CHAF1A: variants seen among roughly 807,000 people sequenced by gnomAD.
The protein encoded by CHAF1A is chromatin assembly factor 1 subunit A.
In CHAF1A, 5 loss-of-function variants were observed where a neutral mutation model predicts 93.2. The ratio of observed to expected loss-of-function variants is 0.05; its 90% CI spans 0.03 to 0.11. CHAF1A has a LOEUF of 0.11. Among genes scored for constraint, CHAF1A ranks in the 10% least tolerant of loss-of-function variants. The pLI, the probability that CHAF1A is intolerant of heterozygous loss-of-function variation, is 1.00. For missense variants in CHAF1A, 1,102 were observed against 1,259.9 expected (o/e 0.87, Z 1.90); for synonymous variants, 504 against 510.3 (o/e 0.99, Z 0.17).
rs143106881 is a variant in CHAF1A at position 4,418,034 on chromosome 19, C to T, written c.975C>T (p.Phe325=). The change falls in exon 4 of 15, where the codon TTC becomes TTT. Residue 325 remains phenylalanine, a synonymous_variant. Transcript: ENST00000301280. The part of the protein sequence containing the change: ...STPLRRITKK[F]VKGSTEKNKL... ...TCTGTTTTCAGATAACTAAGAAATT[C>T]GTCAAAGGCTCTACAGAGAAGAACA... is the stretch of plus-strand genomic sequence containing the variant. 38 of 1,602,588 alleles carry T rather than the reference C, an allele frequency of 2.4e-5. No homozygotes were observed. The African/African-American group carries it at 3.5e-4, about 15-fold the overall frequency.
chr19:4,409,859 C>G (rs568391367), intron 3 of CHAF1A, 100 bp downstream of exon 3: 2 of 1,367,248 alleles, frequency 1.5e-6, no homozygotes, highest in Non-Finnish European at 2.0e-6. Flanking sequence ...GCAGAGTGAG[C>G]GGGGCCACGG....
In CHAF1A at chr19:4,415,637, C is replaced by T. The variant is rs548458800; in HGVS notation, c.961-2383C>T. Among the ~76,000 whole-genome samples, 10 of 152,024 alleles carry T rather than the reference C, an allele frequency of 6.6e-5. No homozygotes were observed. In the South Asian group the frequency reaches 2.1e-3, roughly 32 times the overall value. On this transcript the variant is annotated intron_variant, in intron 3 of 14. Coordinates refer to ENST00000301280, the MANE Select transcript of CHAF1A (RefSeq NM_005483.3). Reference sequence around the variant, plus strand: ...TCTGCAGCATTTGGTGAGGCTGCCTCGGGCTGGCATTTCTGTTGCCACATT... The same window carrying T: ...TCTGCAGCATTTGGTGAGGCTGCCTTGGGCTGGCATTTCTGTTGCCACATT...
intron 3 of CHAF1A, among the ~76,000 whole-genome samples, chr19:4,410,399 T>C (rs1361603723): frequency 6.6e-6 from 1 of 151,336 alleles, no homozygotes; most frequent in Non-Finnish European, 1.5e-5. Flanking sequence ...TTTTTTTTTT[T>C]TTTGACAGAG....
At chr19:4,440,340 C>T (rs573356145) in intron 13 of CHAF1A, among the ~76,000 whole-genome samples, 6 of 151,828 alleles carry the variant, frequency 4.0e-5, no homozygotes, top group Admixed American at 1.3e-4. Context: ...GGTGCGGTGG[C>T]TCACACCTTG....
chr19:4,406,937 G>A (rs139740609), intron 2 of CHAF1A, among the ~76,000 whole-genome samples: 1 of 151,912 alleles, frequency 6.6e-6, no homozygotes, highest in East Asian at 1.9e-4. Context: ...GAAAAAAAGG[G>A]GGACGCCAGA....
chr19:4,448,108 C>A, downstream of CHAF1A: 2 of 596,854 alleles, frequency 3.4e-6, no homozygotes, highest in Admixed American at 5.9e-5. Flanking sequence ...TCCTTCAACA[C>A]CTTCATTTTG....
Position 4,409,468 on chromosome 19 carries a change from C to A in CHAF1A, c.669C>A (p.Asp223Glu), listed in dbSNP as rs1450272477. Reference sequence around the variant, plus strand: ...GAATGTGCCCCAGAAAGGAGCAGGACAGTTGGAGTGAAGCTGGGGGCATCC... The same window carrying A: ...GAATGTGCCCCAGAAAGGAGCAGGAAAGTTGGAGTGAAGCTGGGGGCATCC... ...GPRMCPRKEQ[D>E]SWSEAGGILF... The change falls in exon 3 of 15, where the codon GAC becomes GAA. Residue 223 changes from aspartate to glutamate, a missense_variant. Asp to Glu is a conservative substitution (Grantham distance 45). Around this residue, in one of 6 missense-constraint regions of CHAF1A, gnomAD observed 379 missense variants for 365.7 expected, o/e 1.04. Coordinates refer to ENST00000301280, the MANE Select transcript of CHAF1A (RefSeq NM_005483.3). The A allele has an allele frequency of 3.7e-6, 6 of 1,613,960 alleles. No individual in the cohort carries two copies. In the African/African-American group the frequency reaches 6.7e-5, roughly 18 times the overall value.
downstream of CHAF1A, chr19:4,446,236 C>T: frequency 2.5e-6 from 4 of 1,576,026 alleles, no homozygotes; most frequent in Non-Finnish European, 2.6e-6. Context: ...GGGCCCAGGG[C>T]CCCCTACCAA....
At chr19:4,432,759 A>G (rs1016573421) in intron 12 of CHAF1A, among the ~76,000 whole-genome samples, 31 of 35,400 alleles carry the variant, frequency 8.8e-4, no homozygotes, top group Admixed American at 1.3e-3. Context: ...GACCCTGTCT[A>G]AAAAAAAAAA....
chr19:4,432,174 A>G lies in CHAF1A; in HGVS notation c.2170A>G (p.Lys724Glu). The change falls in exon 12 of 15, where the codon AAG becomes GAG. Residue 724 changes from lysine (K) to glutamate (E), a missense_variant. Physicochemically the swap from Lys to Glu is moderately conservative, Grantham distance 56. Around this residue, in one of 6 missense-constraint regions of CHAF1A, gnomAD observed 335 missense variants for 361.9 expected, o/e 0.93. Coordinates refer to ENST00000301280, the MANE Select transcript of CHAF1A (RefSeq NM_005483.3). The stretch of plus-strand genomic sequence containing the variant: ...GCCGGCCCAGGAGGAGCAGACGCCC[A>G]AGGCCTCCAAGCGGGAGAGGAGAGA... The part of the protein sequence containing the change: ...TLPAQEEQTP[K>E]ASKRERRDEQ... 1.2e-6 allele frequency: 2 copies of G among 1,611,268 alleles called. No homozygotes were observed. Among genetic ancestry groups the G allele is most frequent in the South Asian group, 1.1e-5 (1 of 90,986 alleles).
downstream of CHAF1A, chr19:4,448,698 G>A (rs1385654345): frequency 2.1e-5 from 10 of 469,748 alleles, no homozygotes; most frequent in Admixed American, 3.4e-4. Context: ...TGACGCGACA[G>A]AACTGTGCCT....
chr19:4,419,361 C>G (rs1162498652), intron 4 of CHAF1A, among the ~76,000 whole-genome samples: 1 of 152,110 alleles, frequency 6.6e-6, no homozygotes. Context: ...CTGATGTTCA[C>G]TGGGCGTTTC....
intron 11 of CHAF1A, among the ~76,000 whole-genome samples, chr19:4,431,746 A>G (rs913541424): frequency 6.6e-6 from 1 of 152,168 alleles, no homozygotes; most frequent in Non-Finnish European, 1.5e-5. Flanking sequence ...TGACGCTCCC[A>G]AAGGAGACCA....
intron 13 of CHAF1A, among the ~76,000 whole-genome samples, chr19:4,441,740 C>T (rs1427542424): frequency 6.6e-6 from 1 of 151,538 alleles, no homozygotes; most frequent in Non-Finnish European, 1.5e-5. Context: ...CCCGTCTCTA[C>T]TAAAAATACA....
rs1342661710 is a variant in CHAF1A at position 4,432,100 on chromosome 19, A to G, written c.2096A>G (p.Asp699Gly). The G allele has an allele frequency of 3.1e-6, 5 of 1,613,882 alleles. No individual in the cohort carries two copies. The highest frequency in any genetic ancestry group is 4.2e-6 in the Non-Finnish European group (5 of 1,180,020). ...GCGGCTGACAGAGACTGCGCAGGCG[A>G]TGACCTGAAGGTACTGCAGCAGTTC... is the stretch of plus-strand genomic sequence containing the variant. ...VWAADRDCAG[D>G]DLKVLQQFAA... Residue 699 changes from aspartate to glycine, a missense_variant, in exon 12 of 15, where the codon GAT (aspartate) becomes GGT (glycine). This residue lies in a region of CHAF1A where 335 missense variants were observed against 361.9 expected (regional missense o/e 0.93). Coordinates refer to ENST00000301280, the MANE Select transcript of CHAF1A (RefSeq NM_005483.3).
downstream of CHAF1A, chr19:4,448,154 C>T (rs1360701609): frequency 3.1e-6 from 2 of 646,602 alleles, no homozygotes; most frequent in East Asian, 5.4e-5. Flanking sequence ...AGGCCCAGCC[C>T]TTTGCCTGAG....
chr19:4,437,427 G>A (rs1328523365), intron 13 of CHAF1A, among the ~76,000 whole-genome samples: 1 of 152,094 alleles, frequency 6.6e-6, no homozygotes, highest in Non-Finnish European at 1.5e-5. Context: ...ACAGCTCACC[G>A]CAGCCTCCAC....
At chr19:4,404,307 C>T (rs1039481536) in intron 1 of CHAF1A, among the ~76,000 whole-genome samples, 2 of 152,084 alleles carry the variant, frequency 1.3e-5, no homozygotes, top group Non-Finnish European at 2.9e-5. Context: ...GGGAGTGTCC[C>T]GTTTTATATA....
At chr19:4,430,180 A>AT (rs140348726) in intron 10 of CHAF1A, 3 of 320,584 alleles carry the variant, frequency 9.4e-6, no homozygotes, top group African/African-American at 2.2e-5. Context: ...ACAGCTTTAC[A>AT]TTTTTTTGTT....
Sources: gnomAD v4.1 joint callset for allele counts (sites outside exome capture counted in the v4.1 genomes callset) on GRCh38, gnomAD v4.1.1 for gene constraint, gnomAD v4.1.1 regional missense constraint, MANE v1.5 for transcripts, NCBI Gene and HGNC (gene_info 2026-07-23, HGNC 2026-07-21) for gene names.